The following MAGED2 variants were observed in gnomAD, a reference collection of about 807,000 sequenced individuals.
MAGED2 encodes the protein melanoma-associated antigen D2.
A neutral mutation model predicts 41.7 loss-of-function variants in MAGED2; 6 were observed. That is an observed-to-expected ratio of 0.14 (90% CI 0.08 to 0.28). The LOEUF (loss-of-function observed/expected upper bound fraction) is 0.28. MAGED2 is among the 10% of genes least tolerant of loss of function. MAGED2 has a pLI of 1.00. For missense variants in MAGED2, 343 were observed against 486.4 expected (o/e 0.71, Z 2.77); for synonymous variants, 146 against 178.2 (o/e 0.82, Z 1.44).
intron 2 of MAGED2, 21 bp from the exon 3 acceptor site, chrX:54,809,701 C>T (rs2147630764): frequency 8.4e-7 from 1 of 1,186,150 alleles, no homozygotes; most frequent in Non-Finnish European, 1.1e-6. Context: ...GGTCTATGAA[C>T]TTCCCTGCTT....
chrX:54,811,776 C>A, intron 6 of MAGED2, 123 bp downstream of exon 6: 1 of 517,438 alleles, frequency 1.9e-6, no homozygotes, highest in Non-Finnish European at 3.3e-6. Context: ...TGCTGAGGGG[C>A]AGACAGTGGC....
chrX:54,815,512 G>A lies in MAGED2; in HGVS notation c.1651G>A (p.Ala551Thr). 8.4e-7 allele frequency: 1 copy of A among 1,191,558 alleles called. No individual in the cohort carries two copies. The highest frequency in any genetic ancestry group is 1.1e-6 in the Non-Finnish European group (1 of 883,174). ...AQESGSASTG[A>T]STSTNNSASA... ...AGAGAGTGGCAGTGCCAGCACTGGT[G>A]CCAGTACCAGTACCAATAACAGTGC... Residue 551 changes from alanine (A) to threonine (T), a missense_variant, in exon 12 of 13, where the codon GCC becomes ACC. Transcript: ENST00000375068.
chrX:54,814,265 G>C, intron 10 of MAGED2: 1 of 332,075 alleles, frequency 3.0e-6, no homozygotes. Context: ...TTCAGCATGT[G>C]TGAAGCATGC....
In MAGED2 at chrX:54,810,108, A is replaced by T; in HGVS notation, c.432A>T (p.Ala144=). Residue 144 remains alanine, a synonymous_variant, in exon 3 of 13, where the codon GCA becomes GCT. Coordinates refer to ENST00000375068, the MANE Select transcript of MAGED2 (RefSeq NM_177433.3). ...VNTKAQETEA[A]PSQAPADEPE... is the part of the protein sequence containing the mutation. Reference sequence around the variant, plus strand: ...CAAAGGCTCAGGAGACTGAGGCTGCACCCTCTCAGGCCCCAGCAGATGAAC... The same window carrying T: ...CAAAGGCTCAGGAGACTGAGGCTGCTCCCTCTCAGGCCCCAGCAGATGAAC... 8.3e-7 allele frequency: 1 copy of T among 1,205,299 alleles called. No individual in the cohort carries two copies. The highest frequency in any genetic ancestry group is 1.1e-6 in the Non-Finnish European group (1 of 891,817).
In MAGED2 at chrX:54,807,759, G is replaced by A. The variant is rs900069353; in HGVS notation, c.-73G>A. 1 of 113,021 alleles carries A rather than the reference G, an allele frequency of 8.8e-6. No homozygotes were observed. Among genetic ancestry groups the A allele is most frequent in the Non-Finnish European group, 1.9e-5 (1 of 53,121 alleles). 9.3% of individuals were successfully genotyped at this position (113,021 alleles called of 1,213,427 possible). ...TCCAGGAGGCTGAGACTTCGAGAGGGACTTAGAGAAGGCAGACGCATCCCG... is the reference window on the plus strand; with the variant it reads ...TCCAGGAGGCTGAGACTTCGAGAGGAACTTAGAGAAGGCAGACGCATCCCG... On this transcript the variant is annotated 5_prime_UTR_variant, in exon 1 of 13. Coordinates refer to ENST00000375068, the MANE Select transcript of MAGED2 (RefSeq NM_177433.3).
rs994901222 is a variant in MAGED2 at position 54,809,090 on chromosome X, G to A, written c.-29-213G>A. 3 of 412,027 alleles carry A rather than the reference G, an allele frequency of 7.3e-6. No individual in the cohort carries two copies. The South Asian group carries it at 1.1e-4, about 15-fold the overall frequency. 34.0% of individuals were successfully genotyped at this position (412,027 alleles called of 1,213,427 possible). A position where few individuals can be genotyped will look rare whatever the true frequency, so the allele number is the denominator to read the frequency against. ...AAGGGGCGGGGTCCTCAGAGCTGCCGCGCTGGCACATCTTCCTGGAGAAGG... is the reference window on the plus strand; with the variant it reads ...AAGGGGCGGGGTCCTCAGAGCTGCCACGCTGGCACATCTTCCTGGAGAAGG... On this transcript the variant is annotated intron_variant, in intron 1 of 12. Transcript: ENST00000375068.
chrX:54,813,435 C>T (rs1929866368), intron 9 of MAGED2, 53 bp from the exon 10 acceptor site: 1 of 1,079,391 alleles, frequency 9.3e-7, no homozygotes, highest in Admixed American at 2.2e-5. Flanking sequence ...TGGGAAGTGC[C>T]ATAGCCTTGA....
In MAGED2 at chrX:54,813,143, G is replaced by A. The variant is rs138363965; in HGVS notation, c.1191G>A (p.Lys397=). Residue 397 remains lysine, a synonymous_variant, in exon 9 of 13, where the codon AAG becomes AAA. Coordinates refer to ENST00000375068, the MANE Select transcript of MAGED2 (RefSeq NM_177433.3). The stretch of plus-strand genomic sequence containing the variant: ...CTGTCATCTGGGAGGTGCTGCGCAA[G>A]TTGGGGCTGCGCCCTGGGTATGATT... ...SEAVIWEVLR[K]LGLRPGIHHS... is the part of the protein sequence containing the mutation. 96 of 1,209,952 alleles carry A rather than the reference G, an allele frequency of 7.9e-5. No individual in the cohort carries two copies. The highest frequency in any genetic ancestry group is 9.8e-5 in the Non-Finnish European group (88 of 895,403).
chrX:54,809,416 C>G (rs1210039689), intron 2 of MAGED2, 40 bp downstream of exon 2: 1 of 1,141,671 alleles, frequency 8.8e-7, no homozygotes, highest in African/African-American at 1.8e-5. Context: ...TGCTTTTCCT[C>G]TCCAGCCCTT....
rs1602080252 is a variant in MAGED2 at position 54,815,346 on chromosome X, T to G, written c.1485T>G (p.Ala495=). 1 of 1,208,470 alleles carries G rather than the reference T, an allele frequency of 8.3e-7. No individual in the cohort carries two copies. ...AAAEAAAEAK[A]RAEIRARMGI... ...CTGAGGCTGCAGCTGAAGCCAAGGC[T>G]AGGGCCGAGATTAGAGCTCGAATGG... The change falls in exon 12 of 13, where the codon GCT becomes GCG. Residue 495 remains alanine, a synonymous_variant. Transcript: ENST00000375068.
chrX:54,815,649 C>T lies in MAGED2; in HGVS notation c.1788C>T (p.Gly596=), dbSNP rs1929949357. 1 of 1,164,890 alleles carries T rather than the reference C, an allele frequency of 8.6e-7. No homozygotes were observed. Residue 596 remains glycine, a synonymous_variant, in exon 12 of 13, where the codon GGC becomes GGT. Transcript: ENST00000375068. ...GLGGAGASTS[G]SSGACGFSYK ...GTGGAGCTGGTGCCAGCACCAGTGG[C>T]AGCTCTGGTGCCTGTGGTTTCTCCT... is the stretch of plus-strand genomic sequence containing the variant.
chrX:54,812,576 A>G (rs1281637016), intron 7 of MAGED2, among the ~76,000 whole-genome samples: 1 of 111,482 alleles, frequency 9.0e-6, no homozygotes, highest in Admixed American at 9.5e-5. Context: ...GTGGTTCTCA[A>G]GGAGGGCTTC....
Position 54,812,345 on chromosome X carries a change from G to A in MAGED2, c.1085+94G>A, listed in dbSNP as rs1004729273. 158 of 529,096 alleles carry A rather than the reference G, an allele frequency of 3.0e-4. 1 individual carries two copies. Among genetic ancestry groups the A allele is most frequent in the Non-Finnish European group, 3.8e-4 (124 of 325,219 alleles). The allele number at this position is 529,096 out of a possible 1,213,427, so 43.6% of individuals were successfully genotyped here. ...CCTACTTCCCCCATCCTCTTAGAGA[G>A]TCAGGAAAGACAGGGTCTCAAAAGC... On this transcript the variant is annotated intron_variant, in intron 7 of 12. Transcript: ENST00000375068.
intron 10 of MAGED2, chrX:54,814,275 C>T: frequency 2.9e-6 from 1 of 339,281 alleles, no homozygotes; most frequent in Non-Finnish European, 5.6e-6. Context: ...GTGAAGCATG[C>T]TGCTATTGGC....
Position 54,815,167 on chromosome X carries a change from A to C in MAGED2, c.1387-81A>C, listed in dbSNP as rs1929923282. The C allele has an allele frequency of 3.7e-6, 4 of 1,094,577 alleles. No individual in the cohort carries two copies. The Admixed American group carries it at 9.3e-5, about 26-fold the overall frequency. The allele number at this position is 1,094,577 out of a possible 1,213,427, so 90.2% of individuals were successfully genotyped here. On this transcript the variant is annotated intron_variant, in intron 11 of 12. Coordinates refer to ENST00000375068, the MANE Select transcript of MAGED2 (RefSeq NM_177433.3). ...GCTTAATCCTCTTATGCTCCTTCTG[A>C]TGGTTATTTACATAGTAATACTGTA...
At position 54,810,809 on chromosome X, in the gene MAGED2, C is replaced by G. The variant is rs996119765; in HGVS notation, c.538-12C>G. ...CATCTGGTGACGTTGAGCTTCCTCTCTGTTGATGCAGGTGAAGCATCTGGA... is the reference window on the plus strand; with the variant it reads ...CATCTGGTGACGTTGAGCTTCCTCTGTGTTGATGCAGGTGAAGCATCTGGA... On this transcript the variant is annotated splice_polypyrimidine_tract_variant and intron_variant, in intron 3 of 12. Coordinates refer to ENST00000375068, the MANE Select transcript of MAGED2 (RefSeq NM_177433.3). The G allele has an allele frequency of 8.7e-7, 1 of 1,149,642 alleles. No homozygotes were observed. The highest frequency in any genetic ancestry group is 1.2e-6 in the Non-Finnish European group (1 of 864,050). The allele number at this position is 1,149,642 out of a possible 1,213,427, so 94.7% of individuals were successfully genotyped here.
intron 7 of MAGED2, among the ~76,000 whole-genome samples, chrX:54,812,669 TTGAC>T (rs1242095252): frequency 8.9e-6 from 1 of 112,204 alleles, no homozygotes; most frequent in Admixed American, 9.4e-5. Context: ...GGGACTCACA[TTGAC>T]TGAGTGCTTG....
Position 54,815,922 on chromosome X carries a change from C to T in MAGED2, c.*50C>T. The T allele has an allele frequency of 2.6e-6, 1 of 388,175 alleles. No individual in the cohort carries two copies. 32.0% of individuals were successfully genotyped at this position (388,175 alleles called of 1,213,427 possible). A position where few individuals can be genotyped will look rare whatever the true frequency, so the allele number is the denominator to read the frequency against. On this transcript the variant is annotated 3_prime_UTR_variant, in exon 13 of 13. Transcript: ENST00000375068. Reference sequence around the variant, plus strand: ...CAGTCTTTCTCTTCAAGCCAGGGTGCATCCTCAGAAACCTACTCAACACAG... The same window carrying T: ...CAGTCTTTCTCTTCAAGCCAGGGTGTATCCTCAGAAACCTACTCAACACAG...
intron 3 of MAGED2, 37 bp from the exon 4 acceptor site, chrX:54,810,784 C>T (rs1335456458): frequency 9.0e-7 from 1 of 1,113,410 alleles, no homozygotes; most frequent in Non-Finnish European, 1.2e-6. Flanking sequence ...CCACTTGCTT[C>T]ATCTGGTGAC....
Sources: gnomAD v4.1 joint callset for allele counts (sites outside exome capture counted in the v4.1 genomes callset) on GRCh38, gnomAD v4.1.1 for gene constraint, MANE v1.5 for transcripts, NCBI Gene and HGNC (gene_info 2026-07-23, HGNC 2026-07-21) for gene names.